The following CACNG5 variants were observed in gnomAD, a reference collection of about 807,000 sequenced individuals.
CACNG5 encodes calcium voltage-gated channel auxiliary subunit gamma 5.
CACNG5 carries 18 observed loss-of-function variants against 24.8 expected under a neutral mutation model. That is an observed-to-expected ratio of 0.73 (90% confidence interval 0.50 to 1.08). The LOEUF (loss-of-function observed/expected upper bound fraction) is 1.08, where lower values mean the gene tolerates loss of function less well. Among genes scored for constraint, CACNG5 ranks in the 50% least tolerant of loss-of-function variants. The pLI is 0.00. For synonymous variants in CACNG5, 157 were observed against 149.1 expected (o/e 1.05, Z -0.39); for missense variants, 349 against 367.9 (o/e 0.95, Z 0.42).
At chr17:66,853,558 T>A (rs1450587909) in intron 1 of CACNG5, among the ~76,000 whole-genome samples, 2 of 152,204 alleles carry the variant, frequency 1.3e-5, no homozygotes, top group East Asian at 3.9e-4. Flanking sequence ...CGTAATGGTA[T>A]CTCATTGTGG....
At chr17:66,871,995 G>C (rs1478396987) in intron 1 of CACNG5, among the ~76,000 whole-genome samples, 1 of 152,188 alleles carries the variant, frequency 6.6e-6, no homozygotes, top group Non-Finnish European at 1.5e-5. Context: ...TGTATACAAG[G>C]AGAGTGATTG....
chr17:66,838,275 G>C (rs1335175306), intron 1 of CACNG5, among the ~76,000 whole-genome samples: 1 of 151,802 alleles, frequency 6.6e-6, no homozygotes. Flanking sequence ...AATTCACTCA[G>C]ACCCATGAGT....
At chr17:66,866,895 G>A (rs1410411490) in intron 1 of CACNG5, among the ~76,000 whole-genome samples, 1 of 152,164 alleles carries the variant, frequency 6.6e-6, no homozygotes, top group Non-Finnish European at 1.5e-5. Flanking sequence ...TTGATTCCAT[G>A]TCTTTGCTCT....
intron 1 of CACNG5, among the ~76,000 whole-genome samples, chr17:66,870,690 C>T (rs1317507305): frequency 6.6e-6 from 1 of 152,144 alleles, no homozygotes; most frequent in Non-Finnish European, 1.5e-5. Context: ...CCTCAGAAGT[C>T]ACATAGCGCC....
Position 66,894,329 on chromosome 17 carries a change from G to A in CACNG5, c.*9089G>A, listed in dbSNP as rs532036216. 2.6e-5 allele frequency among the ~76,000 whole-genome samples: 4 copies of A among 152,000 alleles called. No homozygotes were observed. On this transcript the variant is annotated 3_prime_UTR_variant, in exon 6 of 6. Coordinates refer to ENST00000533854, the MANE Select transcript of CACNG5 (RefSeq NM_145811.3). ...TGGTGGGCTTTTTTGCCTGGATTGG[G>A]GGAAGAAAAAGTGATGGGGAAAATG...
intron 4 of CACNG5, among the ~76,000 whole-genome samples, chr17:66,882,505 G>A (rs1977173941): frequency 6.6e-6 from 1 of 152,196 alleles, no homozygotes. Context: ...CTCATGGCTG[G>A]TGTGTAGAGT....
chr17:66,875,135 G>A (rs59972087), intron 1 of CACNG5, among the ~76,000 whole-genome samples: 1,634 of 152,074 alleles, frequency 0.011, 23 homozygotes, highest in African/African-American at 0.037. Context: ...TTTCCAGCTC[G>A]CAAACTCTGC....
rs1412346311 is a variant in CACNG5, at chr17:66,880,621, C to G, written c.348C>G (p.Ile116Met). ...TCTTCTTCATGTTCATTGGGTTTAT[C>G]CTGAACAACATCGGACACATCCGTC... Reference protein sequence around the residue: ...VSLFFMFIGFILNNIGHIRPH... With the variant: ...VSLFFMFIGFMLNNIGHIRPH... Residue 116 changes from isoleucine to methionine, a missense_variant, in exon 4 of 6, where the codon ATC becomes ATG. Coordinates refer to ENST00000533854, the MANE Select transcript of CACNG5 (RefSeq NM_145811.3). 1 of 1,614,054 alleles carries G rather than the reference C, an allele frequency of 6.2e-7. No homozygotes were observed. Among genetic ancestry groups the G allele is most frequent in the African/African-American group, 1.3e-5 (1 of 74,950 alleles).
At chr17:66,877,673 T>A in intron 2 of CACNG5, 145 bp downstream of exon 2, 1 of 665,246 alleles carries the variant, frequency 1.5e-6, no homozygotes, top group South Asian at 1.9e-5. Flanking sequence ...TGGTGCTCCC[T>A]GCAGTGACTG....
intron 1 of CACNG5, among the ~76,000 whole-genome samples, chr17:66,847,574 G>GA (rs1277356286): frequency 7.7e-4 from 3 of 3,898 alleles, no homozygotes; most frequent in Non-Finnish European, 1.4e-3. Context: ...ACCTCCCCCT[G>GA]GTCCCTCCCA....
rs952016887 is a variant in CACNG5 at position 66,893,574 on chromosome 17, C to A, written c.*8334C>A. 6.6e-6 allele frequency among the ~76,000 whole-genome samples: 1 copy of A among 152,200 alleles called. No individual in the cohort carries two copies. Among genetic ancestry groups the A allele is most frequent in the African/African-American group, 2.4e-5 (1 of 41,438 alleles). ...GGGGTCATCTGATGCATCCTACCAA[C>A]GTGACCCCAAGGAAAGTGCTGGAGG... On this transcript the variant is annotated 3_prime_UTR_variant, in exon 6 of 6. Transcript: ENST00000533854.
In CACNG5 at chr17:66,886,404, C is replaced by T. The variant is rs1464070177; in HGVS notation, c.*1164C>T. On this transcript the variant is annotated 3_prime_UTR_variant, in exon 6 of 6. Transcript: ENST00000533854. ...ACAGATGTGGGCAAATCAGATTTTT[C>T]CAGAAGACCAGGCAGTGTGACACCC... is the stretch of plus-strand genomic sequence containing the variant. 2.0e-5 allele frequency among the ~76,000 whole-genome samples: 3 copies of T among 152,088 alleles called. No homozygotes were observed. The highest frequency in any genetic ancestry group is 6.5e-5 in the Admixed American group (1 of 15,272).
At chr17:66,872,843 C>T (rs145153617) in intron 1 of CACNG5, among the ~76,000 whole-genome samples, 57 of 152,284 alleles carry the variant, frequency 3.7e-4, no homozygotes, top group Admixed American at 2.5e-3. Context: ...TAGTATCAAA[C>T]GAGAAGCCTT....
intron 1 of CACNG5, among the ~76,000 whole-genome samples, chr17:66,869,611 C>T (rs1047065520): frequency 7.2e-5 from 11 of 152,106 alleles, no homozygotes; most frequent in African/African-American, 2.4e-4. Context: ...CATTCACTCC[C>T]CCATGTAGCT....
In CACNG5 at chr17:66,839,815, C is replaced by T. The variant is rs539310745; in HGVS notation, c.-104+4565C>T. 1.1e-3 allele frequency among the ~76,000 whole-genome samples: 160 copies of T among 152,214 alleles called. 1 individual carries two copies. Among genetic ancestry groups the T allele is most frequent in the African/African-American group, 3.7e-3 (153 of 41,538 alleles). On this transcript the variant is annotated intron_variant, in intron 1 of 5. Transcript: ENST00000533854. ...TTCACTACCTGCTAGGCACAAACGC[C>T]GCTCCAGGGCTGTTCCGCGCACGTG... is the stretch of plus-strand genomic sequence containing the variant.
intron 1 of CACNG5, among the ~76,000 whole-genome samples, chr17:66,861,024 C>T (rs940332759): frequency 2.3e-4 from 30 of 131,072 alleles, no homozygotes; most frequent in African/African-American, 7.0e-4. Flanking sequence ...TGCACATGCA[C>T]GCACACACAC....
chr17:66,875,991 A>G (rs1170840185), intron 1 of CACNG5, among the ~76,000 whole-genome samples: 1 of 152,122 alleles, frequency 6.6e-6, no homozygotes, highest in South Asian at 2.1e-4. Context: ...CTACATTACA[A>G]TGCCATCAAC....
At chr17:66,863,694 C>T (rs1976894221) in intron 1 of CACNG5, among the ~76,000 whole-genome samples, 1 of 152,172 alleles carries the variant, frequency 6.6e-6, no homozygotes, top group South Asian at 2.1e-4. Context: ...GAGATTTATA[C>T]ACATAATCCT....
intron 1 of CACNG5, among the ~76,000 whole-genome samples, chr17:66,862,930 G>A (rs1027853025): frequency 1.4e-5 from 2 of 140,652 alleles, no homozygotes; most frequent in South Asian, 2.3e-4. Flanking sequence ...GTGTGTGTGT[G>A]TGTGTGTGTC....
Sources: allele counts gnomAD v4.1 joint callset (sites outside exome capture counted in the v4.1 genomes callset), GRCh38; gene constraint gnomAD v4.1.1; transcripts MANE v1.5; gene names NCBI Gene and HGNC (gene_info 2026-07-23, HGNC 2026-07-21).